ZNG1B: variants seen among roughly 807,000 people sequenced by gnomAD.
The protein encoded by ZNG1B is Zn regulated GTPase metalloprotein activator 1B.
At chr2:113,493,372 T>TA in the ZNG1B span, among the ~76,000 whole-genome samples, 257 of 124,922 alleles carry the variant, frequency 2.1e-3, 19 homozygotes, top group African/African-American at 6.8e-3. Flanking sequence ...AGTCAAAAGA[T>TA]AAAATGAGGT....
the ZNG1B span, chr2:113,457,253 G>T: frequency 2.0e-5 from 8 of 399,580 alleles, no homozygotes; most frequent in African/African-American, 8.5e-5. Context: ...TGCACAATCT[G>T]TTGAAACAAT....
the ZNG1B span, among the ~76,000 whole-genome samples, chr2:113,440,834 CTATT>C: frequency 2.1e-5 from 3 of 143,992 alleles, no homozygotes; most frequent in Admixed American, 1.4e-4. Flanking sequence ...GTTCACAAGA[CTATT>C]TTTTTTCTAC....
At chr2:113,487,048 AAT>A in the ZNG1B span, among the ~76,000 whole-genome samples, 6 of 151,296 alleles carry the variant, frequency 4.0e-5, no homozygotes, top group Middle Eastern at 3.4e-3. Context: ...TTTAAAATAG[AAT>A]ATGTTTATTA....
the ZNG1B span, among the ~76,000 whole-genome samples, chr2:113,443,175 A>T: frequency 2.0e-5 from 3 of 152,018 alleles, no homozygotes; most frequent in Non-Finnish European, 2.9e-5. Flanking sequence ...TCATTGTGTT[A>T]GCGAGGATGG....
chr2:113,477,258 T>C, the ZNG1B span, among the ~76,000 whole-genome samples: 1 of 152,208 alleles, frequency 6.6e-6, no homozygotes, highest in Non-Finnish European at 1.5e-5. Context: ...AGCGCAGTAT[T>C]CGGGTGGGAG....
chr2:113,453,377 C>T, the ZNG1B span, among the ~76,000 whole-genome samples: 5 of 151,864 alleles, frequency 3.3e-5, no homozygotes, highest in African/African-American at 9.7e-5. Context: ...CTCAGCCTCC[C>T]GAGTAGCTGG....
chr2:113,444,936 C>T, the ZNG1B span: 2 of 1,607,490 alleles, frequency 1.2e-6, no homozygotes, highest in African/African-American at 2.7e-5. Flanking sequence ...AGGTAATTAA[C>T]TGTAAATGAT....
the ZNG1B span, chr2:113,493,805 C>T: frequency 2.0e-6 from 3 of 1,488,268 alleles, 1 homozygote; most frequent in Non-Finnish European, 2.7e-6. Context: ...AAAGGAAGAA[C>T]ATCTTAATAT....
chr2:113,462,731 C>T, the ZNG1B span: 5 of 531,930 alleles, frequency 9.4e-6, no homozygotes, highest in Admixed American at 3.6e-5. Flanking sequence ...TCAGGGTCTT[C>T]GCACTCCATC....
chr2:113,455,634 G>A, the ZNG1B span: 4 of 1,286,870 alleles, frequency 3.1e-6, no homozygotes, highest in Non-Finnish European at 4.0e-6. Context: ...TATGGATAGG[G>A]CCCAAAGCAG....
chr2:113,476,760 T>C, the ZNG1B span, among the ~76,000 whole-genome samples: 1 of 152,118 alleles, frequency 6.6e-6, no homozygotes, highest in Non-Finnish European at 1.5e-5. Context: ...GCTGCAGGTC[T>C]GTTGGAGTAC....
At chr2:113,496,018 TATA>T in the ZNG1B span, 20 of 248,734 alleles carry the variant, frequency 8.0e-5, no homozygotes, top group Non-Finnish European at 5.1e-5. Context: ...CATGAAAGTT[TATA>T]ATAATGATGA....
the ZNG1B span, among the ~76,000 whole-genome samples, chr2:113,463,561 A>G: frequency 6.6e-6 from 1 of 152,230 alleles, no homozygotes; most frequent in Non-Finnish European, 1.5e-5. Context: ...TTACTATAAA[A>G]AAATATAATG....
At chr2:113,461,124 GC>G in the ZNG1B span, among the ~76,000 whole-genome samples, 1 of 150,196 alleles carries the variant, frequency 6.7e-6, no homozygotes, top group South Asian at 2.1e-4. Flanking sequence ...CAGGCTCACT[GC>G]AACCTCCGCC....
At chr2:113,489,641 C>T in the ZNG1B span, among the ~76,000 whole-genome samples, 1 of 152,104 alleles carries the variant, frequency 6.6e-6, no homozygotes, top group African/African-American at 2.4e-5. Context: ...TAAGGACTCA[C>T]ATAAACTTAA....
chr2:113,440,619 T>C, the ZNG1B span, among the ~76,000 whole-genome samples: 1 of 152,096 alleles, frequency 6.6e-6, no homozygotes, highest in African/African-American at 2.4e-5. Flanking sequence ...TTCCTAGTTA[T>C]ATACTAGAAA....
At chr2:113,460,634 T>C in the ZNG1B span, 2 of 1,568,042 alleles carry the variant, frequency 1.3e-6, no homozygotes, top group Admixed American at 1.7e-5. Context: ...GATTTTTTAT[T>C]GTATTATAGT....
the ZNG1B span, among the ~76,000 whole-genome samples, chr2:113,456,454 GTT>G: frequency 0.25 from 35,317 of 143,056 alleles, 3,138 homozygotes; most frequent in East Asian, 0.43. Flanking sequence ...AAGACATTTT[GTT>G]TTTTTTTTTA....
the ZNG1B span, among the ~76,000 whole-genome samples, chr2:113,484,604 A>T: frequency 6.6e-6 from 1 of 152,176 alleles, no homozygotes; most frequent in South Asian, 2.1e-4. Flanking sequence ...AAGCATGCAA[A>T]TGTGTAATTT....
Sources: gnomAD v4.1 joint callset for allele counts (sites outside exome capture counted in the v4.1 genomes callset) on GRCh38, gnomAD v4.1.1 for gene constraint, MANE v1.5 for transcripts, NCBI Gene and HGNC (gene_info 2026-07-23, HGNC 2026-07-21) for gene names.